Variants in EYS observed in about 807,000 individuals in gnomAD.
The protein encoded by EYS is EGF-like photoreceptor maintenance factor.
A neutral mutation model predicts 282.1 loss-of-function variants in EYS; 250 were observed. The ratio of observed to expected loss-of-function variants is 0.89; its 90% confidence interval spans 0.80 to 0.98. The LOEUF is 0.98. Among genes scored for constraint, EYS ranks in the 50% least tolerant of loss-of-function variants. EYS has a pLI of 0.00. For synonymous variants in EYS, 1,355 were observed against 1,282.9 expected (o/e 1.06, Z -1.20); for missense variants, 4,016 against 3,709.0 (o/e 1.08, Z -2.15).
intron 35 of EYS, among the ~76,000 whole-genome samples, chr6:63,873,294 T>C (rs1415589665): frequency 2.0e-5 from 3 of 152,162 alleles, no homozygotes; most frequent in African/African-American, 4.8e-5. Flanking sequence ...AGAATGATGA[T>C]TTCCAGCTTC....
At chr6:64,089,326 T>C (rs910865458) in intron 31 of EYS, among the ~76,000 whole-genome samples, 1 of 150,754 alleles carries the variant, frequency 6.6e-6, no homozygotes, top group African/African-American at 2.4e-5. Flanking sequence ...GTTTAGAAAC[T>C]ATAATTACCT....
chr6:64,923,046 C>T (rs1768400610), intron 15 of EYS, among the ~76,000 whole-genome samples: 1 of 151,930 alleles, frequency 6.6e-6, no homozygotes, highest in Admixed American at 6.6e-5. Flanking sequence ...TGAGGATGTG[C>T]CTATGATGTA....
At chr6:64,540,350 A>G (rs1010790250) in intron 26 of EYS, among the ~76,000 whole-genome samples, 2 of 152,164 alleles carry the variant, frequency 1.3e-5, no homozygotes, top group South Asian at 2.1e-4. Flanking sequence ...TGAGGAAACC[A>G]TGGTAACAGA....
chr6:65,320,248 G>C (rs866603321), intron 11 of EYS, among the ~76,000 whole-genome samples: 2 of 151,342 alleles, frequency 1.3e-5, no homozygotes, highest in South Asian at 4.2e-4. Flanking sequence ...GCCAATGAGA[G>C]ATTCCAAAAG....
chr6:65,660,655 A>G (rs1404844151), intron 1 of EYS, among the ~76,000 whole-genome samples: 1 of 151,742 alleles, frequency 6.6e-6, no homozygotes, highest in African/African-American at 2.4e-5. Flanking sequence ...GCAATTATAT[A>G]TTTTTAGTAC....
At chr6:63,740,379 T>A (rs955976687) in intron 41 of EYS, among the ~76,000 whole-genome samples, 1 of 152,212 alleles carries the variant, frequency 6.6e-6, no homozygotes, top group Admixed American at 6.5e-5. Flanking sequence ...CCTCCTTGCC[T>A]TCTGCCATGA....
At chr6:64,693,752 T>A (rs1931849) in intron 22 of EYS, among the ~76,000 whole-genome samples, 103,508 of 151,702 alleles carry the variant, frequency 0.68, 36,337 homozygotes, top group Middle Eastern at 0.77. Flanking sequence ...TTAATTTTTT[T>A]AAAAAATCAA....
chr6:65,502,349 G>T (rs1312582676), intron 2 of EYS, among the ~76,000 whole-genome samples: 4 of 151,478 alleles, frequency 2.6e-5, no homozygotes, highest in African/African-American at 9.7e-5. Context: ...AGAAAATCCT[G>T]CACATGGATC....
At chr6:64,955,843 C>T (rs1336442699) in intron 14 of EYS, among the ~76,000 whole-genome samples, 3 of 152,176 alleles carry the variant, frequency 2.0e-5, no homozygotes, top group South Asian at 4.1e-4. Flanking sequence ...GCACTCAGAA[C>T]CATTTCTGGC....
intron 22 of EYS, among the ~76,000 whole-genome samples, chr6:64,658,245 A>G (rs1342894711): frequency 6.6e-6 from 1 of 151,648 alleles, no homozygotes; most frequent in Non-Finnish European, 1.5e-5. Context: ...TATTCTAGTT[A>G]TCCGTTCGTC....
rs764610757 is a variant in EYS, at chr6:64,619,611, A to G, written c.3569-2078T>C. On this transcript the variant is annotated intron_variant, in intron 23 of 42. Transcript: ENST00000503581. ...AAAGAGACTGGGAAATAGGGGCACTATTTGTCTCGTTCCAGGGTTACATTT... is the reference window on the plus strand; with the variant it reads ...AAAGAGACTGGGAAATAGGGGCACTGTTTGTCTCGTTCCAGGGTTACATTT... 2.6e-5 allele frequency among the ~76,000 whole-genome samples: 4 copies of G among 152,038 alleles called. No homozygotes were observed. The South Asian group carries it at 8.3e-4, about 31-fold the overall frequency.
chr6:64,421,033 T>A (rs1460744320), intron 28 of EYS, among the ~76,000 whole-genome samples: 1 of 152,160 alleles, frequency 6.6e-6, no homozygotes, highest in Non-Finnish European at 1.5e-5. Flanking sequence ...CACCTCACTC[T>A]CTGTGGTACC....
intron 15 of EYS, among the ~76,000 whole-genome samples, chr6:64,930,027 A>C (rs1768658574): frequency 6.6e-6 from 1 of 152,168 alleles, no homozygotes; most frequent in African/African-American, 2.4e-5. Context: ...AGTGTCTGCT[A>C]TAGATAATTG....
chr6:64,612,712 T>C (rs1174531892), intron 24 of EYS, among the ~76,000 whole-genome samples: 1 of 152,096 alleles, frequency 6.6e-6, no homozygotes, highest in Non-Finnish European at 1.5e-5. Flanking sequence ...CCCATCTCCC[T>C]ACCCAGCAGG....
chr6:64,325,451 T>A (rs2150387055), intron 29 of EYS, among the ~76,000 whole-genome samples: 1 of 152,248 alleles, frequency 6.6e-6, no homozygotes. Context: ...TGACAGAGCC[T>A]ACCCAAATGA....
intron 35 of EYS, among the ~76,000 whole-genome samples, chr6:63,971,405 G>A (rs1394489154): frequency 6.6e-6 from 1 of 152,108 alleles, no homozygotes; most frequent in Non-Finnish European, 1.5e-5. Flanking sequence ...ATTTAATTCA[G>A]CATGCATCCT....
chr6:64,663,087 G>A (rs192947337), intron 22 of EYS, among the ~76,000 whole-genome samples: 12 of 149,636 alleles, frequency 8.0e-5, no homozygotes, highest in Admixed American at 2.7e-4. Context: ...ATCTGTAAGA[G>A]TTAATCAGAG....
intron 2 of EYS, among the ~76,000 whole-genome samples, chr6:65,559,804 A>C (rs989462560): frequency 6.6e-6 from 1 of 152,052 alleles, no homozygotes; most frequent in South Asian, 2.1e-4. Flanking sequence ...TTTTGAATTT[A>C]TGGTACTGAA....
At chr6:64,605,615 C>T (rs1168554066) in intron 24 of EYS, among the ~76,000 whole-genome samples, 2 of 151,650 alleles carry the variant, frequency 1.3e-5, no homozygotes, top group Admixed American at 1.3e-4. Flanking sequence ...AATCAAATAC[C>T]TTAAAGATTT....
Sources: gnomAD v4.1 joint callset for allele counts (sites outside exome capture counted in the v4.1 genomes callset) on GRCh38, gnomAD v4.1.1 for gene constraint, MANE v1.5 for transcripts, NCBI Gene and HGNC (gene_info 2026-07-23, HGNC 2026-07-21) for gene names.